Variants in RAPH1 observed in about 807,000 individuals in gnomAD.
RAPH1 encodes the protein Ras association (RalGDS/AF-6) and pleckstrin homology domains 1, also known as ras-associated and pleckstrin homology domains-containing protein 1.
RAPH1 carries 18 observed loss-of-function variants against 88.1 expected under a neutral mutation model. The observed-to-expected ratio is 0.20, with a 90% CI of 0.14 to 0.30. The LOEUF (loss-of-function observed/expected upper bound fraction) is 0.30. Among genes scored for constraint, RAPH1 ranks in the 10% least tolerant of loss-of-function variants. The probability of loss-of-function intolerance (pLI) is 1.00; values close to 1 mark genes in which losing one functional copy is unlikely to be tolerated. For missense variants in RAPH1, 1,448 were observed against 1,543.2 expected, an observed-to-expected ratio of 0.94 and a Z score of 1.03; for synonymous variants, 587 against 559.0, an observed-to-expected ratio of 1.05 and a Z score of -0.71.
At position 203,489,895 on chromosome 2, in the gene RAPH1, T is replaced by C. The variant is rs752102651; in HGVS notation, c.421A>G (p.Asn141Asp). ...GTLKGLSSSS[N>D]RIAKPSHASY... ...GCATGGGAAGGTTTAGCTATCCTAT[T>C]AGATGAAGAAGATAATCCTTTCAAG... Residue 141 changes from asparagine (N) to aspartate (D), a missense_variant, in exon 4 of 14, where the codon AAT becomes GAT. By Grantham distance (23) the Asn-to-Asp change is conservative. Transcript: ENST00000319170. 84 of 1,614,226 alleles carry C rather than the reference T, an allele frequency of 5.2e-5. No individual in the cohort carries two copies. Among genetic ancestry groups the C allele is most frequent in the Admixed American group, 1.2e-4 (7 of 60,026 alleles).
intron 4 of RAPH1, among the ~76,000 whole-genome samples, chr2:203,472,320 C>T (rs1165502147): frequency 2.6e-5 from 4 of 152,026 alleles, no homozygotes; most frequent in Non-Finnish European, 4.4e-5. Context: ...TTATTAGAGA[C>T]AGAGTTTCGC....
chr2:203,457,974 T>C (rs1006949266), intron 7 of RAPH1, among the ~76,000 whole-genome samples: 3 of 152,208 alleles, frequency 2.0e-5, no homozygotes, highest in Non-Finnish European at 2.9e-5. Context: ...CCTTAAAATA[T>C]ACTGATCTAG....
chr2:203,518,683 C>CA (rs1168745194), intron 1 of RAPH1, among the ~76,000 whole-genome samples: 3 of 152,038 alleles, frequency 2.0e-5, no homozygotes, highest in South Asian at 4.2e-4. Context: ...CCCTTCTCCA[C>CA]AAAAAAATTT....
chr2:203,434,899 G>A lies in RAPH1; in HGVS notation c.*4538C>T, dbSNP rs1372021382. 1 of 152,630 alleles carries A rather than the reference G, an allele frequency of 6.6e-6. No individual in the cohort carries two copies. The highest frequency in any genetic ancestry group is 1.5e-5 in the Non-Finnish European group (1 of 68,042). 9.5% of individuals were successfully genotyped at this position (152,630 alleles called of 1,614,324 possible). A position where few individuals can be genotyped will look rare whatever the true frequency, so the allele number is the denominator to read the frequency against. The stretch of plus-strand genomic sequence containing the variant: ...ACGTGGGTAGTGATGTCTCTTGTGA[G>A]ACACTTTTCATTTCTGCCAAAACTA... On this transcript the variant is annotated 3_prime_UTR_variant, in exon 14 of 14. Coordinates refer to ENST00000319170, the MANE Select transcript of RAPH1 (RefSeq NM_213589.3).
At chr2:203,530,617 C>A (rs575957111) in intron 1 of RAPH1, among the ~76,000 whole-genome samples, 1 of 152,148 alleles carries the variant, frequency 6.6e-6, no homozygotes. Flanking sequence ...TTAGGCCAAG[C>A]GTGATGGCTC....
At chr2:203,507,595 G>C (rs1432701735) in intron 1 of RAPH1, among the ~76,000 whole-genome samples, 1 of 152,136 alleles carries the variant, frequency 6.6e-6, no homozygotes, top group African/African-American at 2.4e-5. Context: ...TGCAAAAAAT[G>C]CAGTACCTGA....
chr2:203,439,899 G>C lies in RAPH1; in HGVS notation c.3291C>G (p.Thr1097=). The C allele has an allele frequency of 6.2e-7, 1 of 1,613,984 alleles. No homozygotes were observed. Among genetic ancestry groups the C allele is most frequent in the South Asian group, 1.1e-5 (1 of 91,072 alleles). ...IEIPAVFSGN[T]SPKVAVVNPQ... ...GATTAACGACTGCCACTTTTGGAGA[G>C]GTGTTTCCCGAGAAAACTGCTGGAA... The change falls in exon 14 of 14, where the codon ACC becomes ACG. Residue 1097 remains threonine (T), a synonymous_variant. Coordinates refer to ENST00000319170, the MANE Select transcript of RAPH1 (RefSeq NM_213589.3).
At chr2:203,506,764 A>ATATATATATCTATATATATCTATATATC (rs1559494213) in intron 1 of RAPH1, among the ~76,000 whole-genome samples, 4 of 129,336 alleles carry the variant, frequency 3.1e-5, no homozygotes, top group African/African-American at 1.3e-4. Context: ...ATATCTATAT[A>ATATATATATCTATATATATCTATATATC]TATATCTATA....
intron 3 of RAPH1, 64 bp downstream of exon 3, chr2:203,491,150 G>T: frequency 9.8e-7 from 1 of 1,016,348 alleles, no homozygotes. Context: ...AATTGCAGTT[G>T]TACTGCTCCT....
chr2:203,523,943 G>A (rs1026132617), intron 1 of RAPH1, among the ~76,000 whole-genome samples: 11 of 152,270 alleles, frequency 7.2e-5, no homozygotes, highest in African/African-American at 1.7e-4. Context: ...GGTGGAAGTT[G>A]CAGTGAGCCG....
chr2:203,506,896 A>ATTTTTTTTTTTTTT (rs1211565813), intron 1 of RAPH1, among the ~76,000 whole-genome samples: 1 of 100,916 alleles, frequency 9.9e-6, no homozygotes, highest in African/African-American at 5.6e-5. Flanking sequence ...ATATATATAT[A>ATTTTTTTTTTTTTT]TATTTTTTTT....
intron 1 of RAPH1, among the ~76,000 whole-genome samples, chr2:203,513,783 C>T (rs1216088076): frequency 1.4e-5 from 2 of 146,328 alleles, no homozygotes; most frequent in Non-Finnish European, 3.0e-5. Flanking sequence ...TGCAGTGAGC[C>T]GAGATCACGC....
chr2:203,477,945 C>T (rs866017632), intron 4 of RAPH1, among the ~76,000 whole-genome samples: 2 of 152,074 alleles, frequency 1.3e-5, no homozygotes, highest in Non-Finnish European at 2.9e-5. Context: ...TCATTTTTCC[C>T]TTAATTTCTT....
intron 1 of RAPH1, among the ~76,000 whole-genome samples, chr2:203,525,746 C>T (rs1011721503): frequency 1.3e-5 from 2 of 152,098 alleles, no homozygotes; most frequent in Admixed American, 1.3e-4. Flanking sequence ...CACTGCACTC[C>T]AGCCTGGGCA....
chr2:203,440,233 C>T lies in RAPH1; in HGVS notation c.2957G>A (p.Gly986Asp), dbSNP rs1271655821. Residue 986 changes from glycine (G) to aspartate (D), a missense_variant, in exon 14 of 14, where the codon GGT (glycine) becomes GAT (aspartate). By Grantham distance (94) the Gly-to-Asp change is moderately conservative. Transcript: ENST00000319170. ...TCTCTTGGGCTCGGGGTGCTCTGCA[C>T]CACTGCTGGATTTAATGCTGGAGTT... The part of the protein sequence containing the change: ...QRNSSIKSSS[G>D]AEHPEPKRPS... 1.9e-6 allele frequency: 3 copies of T among 1,613,876 alleles called. No homozygotes were observed. The African/African-American group carries it at 4.0e-5, about 22-fold the overall frequency.
Position 203,491,194 on chromosome 2 carries a change from T to A in RAPH1, c.226+20A>T. On this transcript the variant is annotated intron_variant, in intron 3 of 13. Coordinates refer to ENST00000319170, the MANE Select transcript of RAPH1 (RefSeq NM_213589.3). ...TGACTTAGCATACTATTTTACATTT[T>A]ATTTCCAATTACATCTTACCATTCA... 1.3e-6 allele frequency: 2 copies of A among 1,522,262 alleles called. No individual in the cohort carries two copies. Among genetic ancestry groups the A allele is most frequent in the African/African-American group, 2.7e-5 (2 of 73,080 alleles). 94.3% of individuals were successfully genotyped at this position (1,522,262 alleles called of 1,614,324 possible).
In RAPH1 at chr2:203,489,889, T is replaced by A. The variant is rs1007128169; in HGVS notation, c.427A>T (p.Ile143Leu). The A allele has an allele frequency of 1.9e-6, 3 of 1,614,116 alleles. No individual in the cohort carries two copies. In the African/African-American group the frequency reaches 4.0e-5, roughly 22 times the overall value. The change falls in exon 4 of 14, where the codon ATA (isoleucine) becomes TTA (leucine). Residue 143 changes from isoleucine (I) to leucine (L), a missense_variant. By Grantham distance (5) the Ile-to-Leu change is conservative. Around this residue, in one of 2 missense-constraint regions of RAPH1, gnomAD observed 513 missense variants for 653.1 expected, o/e 0.79. Coordinates refer to ENST00000319170, the MANE Select transcript of RAPH1 (RefSeq NM_213589.3). ...LKGLSSSSNR[I>L]AKPSHASYSL... ...TAGCTGGCATGGGAAGGTTTAGCTA[T>A]CCTATTAGATGAAGAAGATAATCCT...
chr2:203,438,373 T>C lies in RAPH1; in HGVS notation c.*1064A>G, dbSNP rs937350975. 1.7e-5 allele frequency: 6 copies of C among 346,520 alleles called. No individual in the cohort carries two copies. The highest frequency in any genetic ancestry group is 2.8e-5 in the Non-Finnish European group (5 of 175,576). The allele number at this position is 346,520 out of a possible 1,614,324, so 21.5% of individuals were successfully genotyped here. A position where few individuals can be genotyped will look rare whatever the true frequency, so the allele number is the denominator to read the frequency against. ...TGCTCAAAAAATGCATTTTAGAAAATGATTTTGTTTTTCATAATGCACCAT... is the reference window on the plus strand; with the variant it reads ...TGCTCAAAAAATGCATTTTAGAAAACGATTTTGTTTTTCATAATGCACCAT... On this transcript the variant is annotated 3_prime_UTR_variant, in exon 14 of 14. Coordinates refer to ENST00000319170, the MANE Select transcript of RAPH1 (RefSeq NM_213589.3).
chr2:203,534,682 G>A (rs1407708428), intron 1 of RAPH1, among the ~76,000 whole-genome samples: 2 of 152,200 alleles, frequency 1.3e-5, no homozygotes, highest in African/African-American at 2.4e-5. Flanking sequence ...ACTCATCTAT[G>A]AAAGATGGGG....
Sources: allele counts gnomAD v4.1 joint callset (sites outside exome capture counted in the v4.1 genomes callset), GRCh38; gene constraint gnomAD v4.1.1; regional missense constraint gnomAD v4.1.1; transcripts MANE v1.5; gene names NCBI Gene and HGNC (gene_info 2026-07-23, HGNC 2026-07-21).